TUB: variants seen among roughly 807,000 people sequenced by gnomAD.
The protein encoded by TUB is tubby protein homolog.
TUB carries 33 observed loss-of-function variants against 59.7 expected under a neutral mutation model. The observed-to-expected ratio is 0.55, with a 90% CI of 0.42 to 0.74. The LOEUF (loss-of-function observed/expected upper bound fraction) is 0.74, where lower values mean the gene tolerates loss of function less well. TUB is among the 30% of genes least tolerant of loss of function. TUB has a pLI of 0.00. For synonymous variants in TUB, 293 were observed against 256.4 expected, an observed-to-expected ratio of 1.14 and a Z score of -1.36; for missense variants, 659 against 672.0, an observed-to-expected ratio of 0.98 and a Z score of 0.21.
upstream of TUB, among the ~76,000 whole-genome samples, chr11:8,078,055 G>T (rs756622334): frequency 5.3e-5 from 8 of 152,078 alleles, no homozygotes; most frequent in Non-Finnish European, 1.2e-4. Context: ...CTTAAGTATA[G>T]CACATATAAG....
chr11:8,077,247 C>T (rs1943465252), upstream of TUB: 1 of 152,242 alleles, frequency 6.6e-6, no homozygotes, highest in East Asian at 1.9e-4. Flanking sequence ...TGGTCCCCCA[C>T]TGGGAACCAC....
intron 2 of TUB, among the ~76,000 whole-genome samples, chr11:8,059,612 A>G (rs78709612): frequency 0.029 from 4,462 of 152,178 alleles, 229 homozygotes; most frequent in African/African-American, 0.1. Context: ...GAGATGAGAA[A>G]GAAGTTCTGC....
rs188269681 is a variant in TUB, at chr11:8,084,466, C to T, written c.38+2918C>T. On this transcript the variant is annotated intron_variant, in intron 1 of 11. Transcript: ENST00000299506. ...ATATTAAATGCCCTTAGTACATTTA[C>T]AGCCTTTTATAAGTTGTAAGTGGAG... Among the ~76,000 whole-genome samples, 229 of 152,292 alleles carry T rather than the reference C, an allele frequency of 1.5e-3. 1 individual carries two copies. Among genetic ancestry groups the T allele is most frequent in the Middle Eastern group, 6.8e-3 (2 of 294 alleles).
intron 7 of TUB, 68 bp from the exon 8 acceptor site, chr11:8,097,646 A>G: frequency 2.1e-6 from 3 of 1,409,450 alleles, no homozygotes; most frequent in Non-Finnish European, 3.0e-6. Context: ...AGTCTGTGTG[A>G]GTGGCTCTCA....
rs778236632 is a variant in TUB at position 8,100,523 on chromosome 11, C to T, written c.1137C>T (p.Phe379=). The T allele has an allele frequency of 1.9e-6, 3 of 1,614,112 alleles. No homozygotes were observed. The highest frequency in any genetic ancestry group is 1.7e-5 in the Admixed American group (1 of 60,010). ...CCCAGGAGACAAACGTCTTAGGCTT[C>T]AAGGGGCCTCGGAAGATGAGCGTGA... ...AVCYETNVLG[F]KGPRKMSVIV... is the part of the protein sequence containing the mutation. Residue 379 remains phenylalanine (F), a synonymous_variant, in exon 10 of 12, where the codon TTC becomes TTT. Coordinates refer to ENST00000299506, the MANE Select transcript of TUB (RefSeq NM_177972.3).
At chr11:8,067,181 A>C in intron 2 of TUB, among the ~76,000 whole-genome samples, 1 of 151,726 alleles carries the variant, frequency 6.6e-6, no homozygotes, top group Non-Finnish European at 1.5e-5. Flanking sequence ...CTGGCTCCCC[A>C]CCTCCTCCAG....
At chr11:8,097,514 C>T (rs1944051981) in intron 7 of TUB, 89 bp downstream of exon 7, 2 of 1,559,062 alleles carry the variant, frequency 1.3e-6, no homozygotes, top group African/African-American at 1.4e-5. Flanking sequence ...CTCATATCTA[C>T]CACTGACCTC....
At position 8,100,932 on chromosome 11, in the gene TUB, T is replaced by C; in HGVS notation, c.1322T>C (p.Leu441Pro). The C allele has an allele frequency of 6.2e-7, 1 of 1,614,134 alleles. No individual in the cohort carries two copies. Among genetic ancestry groups the C allele is most frequent in the East Asian group, 2.2e-5 (1 of 44,872 alleles). ...AATGATGACACACAGTCCTATGTAC[T>C]CAACTTCCATGGGCGCGTCACACAG... Reference protein sequence around the residue: ...VWNDDTQSYVLNFHGRVTQAS... With the variant: ...VWNDDTQSYVPNFHGRVTQAS... The change falls in exon 11 of 12, where the codon CTC becomes CCC. Residue 441 changes from leucine to proline, a missense_variant. Coordinates refer to ENST00000299506, the MANE Select transcript of TUB (RefSeq NM_177972.3).
intron 2 of TUB, among the ~76,000 whole-genome samples, chr11:8,048,333 TTTTAA>T (rs1427278373): frequency 6.6e-6 from 1 of 152,164 alleles, no homozygotes; most frequent in Non-Finnish European, 1.5e-5. Context: ...TGAATGAATG[TTTTAA>T]TTTAGAGTGT....
chr11:8,038,718 G>C (rs967262839), exon 1 of TUB: 3 of 1,485,954 alleles, frequency 2.0e-6, no homozygotes, highest in African/African-American at 1.4e-5. Context: ...GGGTGATGGT[G>C]GTTGTTAGTC....
At chr11:8,097,480 A>G (rs571101230) in intron 7 of TUB, 55 bp downstream of exon 7, 12 of 1,609,476 alleles carry the variant, frequency 7.5e-6, no homozygotes, top group Non-Finnish European at 9.4e-6. Context: ...TTGAAATCCT[A>G]GGGGCTGAAA....
At chr11:8,054,909 C>T (rs1048484551) in intron 2 of TUB, among the ~76,000 whole-genome samples, 3 of 152,178 alleles carry the variant, frequency 2.0e-5, no homozygotes, top group African/African-American at 7.2e-5. Flanking sequence ...TAAACAATCT[C>T]TCAAAGGGCC....
chr11:8,093,965 T>G, intron 3 of TUB, 81 bp from the exon 4 acceptor site: 1 of 1,567,978 alleles, frequency 6.4e-7, no homozygotes, highest in Non-Finnish European at 8.8e-7. Flanking sequence ...AATGCTGTGC[T>G]GGGGACTGTG....
chr11:8,104,429 T>G lies in TUB; in HGVS notation c.*2810T>G, dbSNP rs1184753101. On this transcript the variant is annotated 3_prime_UTR_variant, in exon 12 of 12. Coordinates refer to ENST00000299506, the MANE Select transcript of TUB (RefSeq NM_177972.3). Reference sequence around the variant, plus strand: ...AAGGTGCTCTGTGTCCGTCTGTGTATGTGTGTGTCTGTGCGTCTGTGTGTT... The same window carrying G: ...AAGGTGCTCTGTGTCCGTCTGTGTAGGTGTGTGTCTGTGCGTCTGTGTGTT... 1 of 152,284 alleles carries G rather than the reference T, an allele frequency of 6.6e-6. No individual in the cohort carries two copies. The highest frequency in any genetic ancestry group is 2.4e-5 in the African/African-American group (1 of 41,442). 9.4% of individuals were successfully genotyped at this position (152,284 alleles called of 1,614,324 possible).
chr11:8,086,233 A>G (rs1445581859), intron 1 of TUB, among the ~76,000 whole-genome samples: 2 of 152,172 alleles, frequency 1.3e-5, no homozygotes, highest in Non-Finnish European at 2.9e-5. Context: ...TTAAAAAACC[A>G]TTACTGTCTC....
chr11:8,033,696 T>A (rs991316105), upstream of TUB, among the ~76,000 whole-genome samples: 1 of 152,246 alleles, frequency 6.6e-6, no homozygotes, highest in Non-Finnish European at 1.5e-5. Flanking sequence ...GGCAGAGGTG[T>A]TTGGTGGGGT....
At chr11:8,038,508 T>G (rs575860872), upstream of TUB, 4 of 702,078 alleles carry the variant, frequency 5.7e-6, no homozygotes, top group South Asian at 2.1e-4. Flanking sequence ...GATGGGGCCT[T>G]TGTCCGCAGT....
At chr11:8,039,598 G>T (rs148058606) in intron 1 of TUB, 1,119 of 1,425,872 alleles carry the variant, frequency 7.8e-4, no homozygotes, top group Non-Finnish European at 9.8e-4. Context: ...GGATGATGAG[G>T]TGAGGCTGCA....
upstream of TUB, among the ~76,000 whole-genome samples, chr11:8,079,971 C>T (rs941865076): frequency 6.6e-6 from 1 of 152,116 alleles, no homozygotes; most frequent in Non-Finnish European, 1.5e-5. Context: ...GCTCCTGACG[C>T]CCAGCAAATA....
Sources: allele counts gnomAD v4.1 joint callset (sites outside exome capture counted in the v4.1 genomes callset), GRCh38; gene constraint gnomAD v4.1.1; transcripts MANE v1.5; gene names NCBI Gene and HGNC (gene_info 2026-07-23, HGNC 2026-07-21).